The following RIMKLB variants were observed in gnomAD, a reference collection of about 807,000 sequenced individuals.
RIMKLB encodes ribosomal modification protein rimK like family member B, also known as beta-citrylglutamate synthase B.
In RIMKLB, 7 loss-of-function variants were observed where a neutral mutation model predicts 32.0. The observed-to-expected ratio is 0.22, with a 90% CI of 0.12 to 0.41. RIMKLB has a LOEUF of 0.41. Ranked by LOEUF, RIMKLB falls within the 10% of genes least tolerant of loss-of-function variation. RIMKLB has a pLI of 1.00. For missense variants in RIMKLB, 289 were observed against 498.7 expected, an observed-to-expected ratio of 0.58 and a Z score of 4.00; for synonymous variants, 172 against 185.1, an observed-to-expected ratio of 0.93 and a Z score of 0.57.
In RIMKLB at chr12:8,770,057, C is replaced by G. The variant is rs140542187; in HGVS notation, c.698-3264C>G. On this transcript the variant is annotated intron_variant, in intron 5 of 5. Transcript: ENST00000535829. Reference sequence around the variant, plus strand: ...GCATGATCTCAGCTCACTGCAACCCCCGCTTCCCGGGTTAAAGTGATTCTC... The same window carrying G: ...GCATGATCTCAGCTCACTGCAACCCGCGCTTCCCGGGTTAAAGTGATTCTC... Among the ~76,000 whole-genome samples, 297 of 152,206 alleles carry G rather than the reference C, an allele frequency of 2.0e-3. 1 individual carries two copies. Among genetic ancestry groups the G allele is most frequent in the African/African-American group, 6.9e-3 (285 of 41,516 alleles).
At chr12:8,760,242 T>G (rs915848746) in intron 5 of RIMKLB, among the ~76,000 whole-genome samples, 1 of 152,120 alleles carries the variant, frequency 6.6e-6, no homozygotes, top group Non-Finnish European at 1.5e-5. Context: ...TGGTTTCCAG[T>G]TTCATCCATG....
At position 8,774,015 on chromosome 12, in the gene RIMKLB, C is replaced by T; in HGVS notation, c.*231C>T. 1.5e-6 allele frequency: 2 copies of T among 1,332,024 alleles called. No individual in the cohort carries two copies. Among genetic ancestry groups the T allele is most frequent in the Non-Finnish European group, 1.9e-6 (2 of 1,044,344 alleles). 82.5% of individuals were successfully genotyped at this position (1,332,024 alleles called of 1,614,324 possible). A position where few individuals can be genotyped will look rare whatever the true frequency, so the allele number is the denominator to read the frequency against. On this transcript the variant is annotated 3_prime_UTR_variant, in exon 6 of 6. Coordinates refer to ENST00000535829, the MANE Select transcript of RIMKLB (RefSeq NM_001297776.2). ...GAATAGGTGGGGTATAGAAAAATGT[C>T]AGGCTCTCATAGTTACCCTTTTAAA...
chr12:8,743,341 C>G (rs1591839514), intron 2 of RIMKLB, among the ~76,000 whole-genome samples: 1 of 109,554 alleles, frequency 9.1e-6, no homozygotes, highest in African/African-American at 3.7e-5. Context: ...GTGACAGAGC[C>G]AAGAGTCTGT....
the RIMKLB span, among the ~76,000 whole-genome samples, chr12:8,673,445 C>G: frequency 6.6e-6 from 1 of 152,042 alleles, no homozygotes; most frequent in Non-Finnish European, 1.5e-5. Flanking sequence ...GTTGATCAGG[C>G]AGGAATTCTG....
At chr12:8,767,921 A>G (rs1028359171) in intron 5 of RIMKLB, among the ~76,000 whole-genome samples, 1 of 152,194 alleles carries the variant, frequency 6.6e-6, no homozygotes, top group Non-Finnish European at 1.5e-5. Context: ...AAGTGGTTCA[A>G]TATTATTCAC....
chr12:8,759,370 G>C (rs1249365334), intron 5 of RIMKLB, among the ~76,000 whole-genome samples: 2 of 152,150 alleles, frequency 1.3e-5, no homozygotes, highest in Non-Finnish European at 2.9e-5. Context: ...ACTTCAGCCT[G>C]GGCAACAGAG....
chr12:8,735,569 C>CT (rs1306008794), intron 2 of RIMKLB, among the ~76,000 whole-genome samples: 1 of 151,760 alleles, frequency 6.6e-6, no homozygotes, highest in African/African-American at 2.4e-5. Context: ...AGAGATTAAG[C>CT]TTTAAAACAG....
chr12:8,697,600 C>G (rs1054730204), upstream of RIMKLB: 1 of 174,202 alleles, frequency 5.7e-6, no homozygotes, highest in Non-Finnish European at 1.3e-5. Context: ...GCCCCCCACC[C>G]CCCCCATCCG....
chr12:8,692,600 C>T (rs1942763862), upstream of RIMKLB, among the ~76,000 whole-genome samples: 1 of 152,198 alleles, frequency 6.6e-6, no homozygotes, highest in African/African-American at 2.4e-5. Flanking sequence ...ACTGTGTTTT[C>T]TTTCCACCCA....
chr12:8,681,638 A>G (rs1421631728), exon 1 of RIMKLB: 1 of 152,180 alleles, frequency 6.6e-6, no homozygotes, highest in Non-Finnish European at 1.5e-5. Flanking sequence ...GGGGCTGGAA[A>G]TAAAGCTCTA....
chr12:8,715,387 G>T (rs1265054903), intron 2 of RIMKLB, among the ~76,000 whole-genome samples: 1 of 151,806 alleles, frequency 6.6e-6, no homozygotes, highest in Non-Finnish European at 1.5e-5. Flanking sequence ...CACCACGCCC[G>T]ACTAATTTTT....
At position 8,704,971 on chromosome 12, in the gene RIMKLB, AACACAC is replaced by A. The variant is rs3076182; in HGVS notation, c.-57+6698_-57+6703del. ...GTGCAGAGCAAGACCTCACCTCTAAAACACACACACACACACACACACACACACAAA... is the reference window on the plus strand; with the variant it reads ...GTGCAGAGCAAGACCTCACCTCTAAAACACACACACACACACACACACAAA... On this transcript the variant is annotated intron_variant, in intron 1 of 5. Transcript: ENST00000535829. Among the ~76,000 whole-genome samples, 439 of 146,670 alleles carry A rather than the reference AACACAC, an allele frequency of 3.0e-3. 9 individuals are homozygous for A. In the East Asian group the frequency reaches 0.043, roughly 14 times the overall value.
At chr12:8,716,001 CTT>C (rs1359771026) in intron 2 of RIMKLB, among the ~76,000 whole-genome samples, 1 of 152,158 alleles carries the variant, frequency 6.6e-6, no homozygotes, top group East Asian at 1.9e-4. Flanking sequence ...AACTCAGACA[CTT>C]AGTGTATTGG....
At chr12:8,728,563 G>A (rs2137236930) in intron 2 of RIMKLB, among the ~76,000 whole-genome samples, 1 of 152,248 alleles carries the variant, frequency 6.6e-6, no homozygotes, top group Admixed American at 6.5e-5. Context: ...ATCCCAGCAA[G>A]TTGGTAGCTT....
Position 8,742,193 on chromosome 12 carries a change from C to T in RIMKLB, c.176-7669C>T, listed in dbSNP as rs776352132. On this transcript the variant is annotated intron_variant, in intron 2 of 5. Coordinates refer to ENST00000535829, the MANE Select transcript of RIMKLB (RefSeq NM_001297776.2). ...GATTACAGGCACGAGCCACCATGCC[C>T]GGCTGGAGAGCCTTTTAATAACATT... Among the ~76,000 whole-genome samples, 18 of 151,946 alleles carry T rather than the reference C, an allele frequency of 1.2e-4. 1 individual carries two copies. Among genetic ancestry groups the T allele is most frequent in the Non-Finnish European group, 1.9e-4 (13 of 68,006 alleles).
chr12:8,753,586 A>G (rs984777156), intron 4 of RIMKLB, among the ~76,000 whole-genome samples: 4 of 152,242 alleles, frequency 2.6e-5, no homozygotes, highest in Non-Finnish European at 5.9e-5. Flanking sequence ...TTGCTAGTGA[A>G]TAAGGTTTCA....
intron 2 of RIMKLB, among the ~76,000 whole-genome samples, chr12:8,747,455 TC>T (rs1257011962): frequency 6.6e-6 from 1 of 152,132 alleles, no homozygotes; most frequent in African/African-American, 2.4e-5. Flanking sequence ...TAGTTCTACC[TC>T]CCTGATTTTT....
chr12:8,700,973 C>T (rs1847437792), intron 1 of RIMKLB, among the ~76,000 whole-genome samples: 2 of 151,750 alleles, frequency 1.3e-5, no homozygotes, highest in African/African-American at 4.8e-5. Context: ...GGCTGAGGCA[C>T]AAGAATCGCT....
At chr12:8,691,504 G>A (rs955496335) in intron 1 of RIMKLB, among the ~76,000 whole-genome samples, 5 of 152,050 alleles carry the variant, frequency 3.3e-5, no homozygotes, top group African/African-American at 7.3e-5. Flanking sequence ...CAGCTACTCC[G>A]GAGGATGAGG....
Sources: gnomAD v4.1 joint callset for allele counts (sites outside exome capture counted in the v4.1 genomes callset) on GRCh38, gnomAD v4.1.1 for gene constraint, MANE v1.5 for transcripts, NCBI Gene and HGNC (gene_info 2026-07-23, HGNC 2026-07-21) for gene names.